The following TMEM132B variants were observed in gnomAD, a reference collection of about 807,000 sequenced individuals.
TMEM132B encodes transmembrane protein 132B.
TMEM132B carries 18 observed loss-of-function variants against 90.8 expected under a neutral mutation model. That is an observed-to-expected ratio of 0.20 (90% CI 0.14 to 0.29). The LOEUF (loss-of-function observed/expected upper bound fraction) is 0.29. TMEM132B is among the 10% of genes least tolerant of loss of function. The pLI is 1.00. For synonymous variants in TMEM132B, 504 were observed against 523.3 expected, an observed-to-expected ratio of 0.96 and a Z score of 0.50; for missense variants, 1,096 against 1,326.8, an observed-to-expected ratio of 0.83 and a Z score of 2.70.
intron 3 of TMEM132B, among the ~76,000 whole-genome samples, chr12:125,433,484 T>C (rs1462443404): frequency 6.6e-6 from 1 of 151,426 alleles, no homozygotes; most frequent in Non-Finnish European, 1.5e-5. Flanking sequence ...ACCCTCAGTC[T>C]AGACAATGAT....
At chr12:125,386,921 C>G (rs972758058) in intron 2 of TMEM132B, among the ~76,000 whole-genome samples, 1 of 152,170 alleles carries the variant, frequency 6.6e-6, no homozygotes, top group Non-Finnish European at 1.5e-5. Flanking sequence ...CTCTCTAAAA[C>G]CCAGAGCTTC....
chr12:125,322,999 TTGTC>T (rs945000828), intron 1 of TMEM132B, among the ~76,000 whole-genome samples: 7 of 152,198 alleles, frequency 4.6e-5, no homozygotes, highest in African/African-American at 1.4e-4. Flanking sequence ...AACACACAAT[TTGTC>T]TGGAGAACCT....
intron 1 of TMEM132B, among the ~76,000 whole-genome samples, chr12:125,337,485 C>T (rs1441429830): frequency 8.5e-5 from 13 of 152,076 alleles, no homozygotes; most frequent in Admixed American, 2.6e-4. Flanking sequence ...CCTGTTTTGG[C>T]TTTAATGTGA....
chr12:125,523,693 C>T (rs765193161), intron 4 of TMEM132B, among the ~76,000 whole-genome samples: 18 of 152,214 alleles, frequency 1.2e-4, no homozygotes, highest in Non-Finnish European at 1.8e-4. Context: ...CATCTCTTCT[C>T]GCATGATCTG....
At chr12:125,187,406 C>G (rs1957766478) in intron 1 of TMEM132B, among the ~76,000 whole-genome samples, 1 of 152,222 alleles carries the variant, frequency 6.6e-6, no homozygotes, top group Non-Finnish European at 1.5e-5. Flanking sequence ...CTGCCCTCCC[C>G]AAGCTACCCA....
intron 1 of TMEM132B, among the ~76,000 whole-genome samples, chr12:125,282,049 AAAAAAAAAAAAGAG>A (rs1410781173): frequency 2.7e-5 from 3 of 112,146 alleles, no homozygotes; most frequent in East Asian, 4.1e-4. Context: ...AAAAAAAAAA[AAAAAAAAAAAAGAG>A]AGACTTTTGA....
intron 2 of TMEM132B, among the ~76,000 whole-genome samples, chr12:125,401,937 A>G (rs552155624): frequency 2.6e-5 from 4 of 152,340 alleles, no homozygotes; most frequent in Non-Finnish European, 5.9e-5. Flanking sequence ...CACTTTGAAC[A>G]AAGAATGCAT....
At chr12:125,511,974 A>G (rs910858646) in intron 3 of TMEM132B, among the ~76,000 whole-genome samples, 4 of 152,050 alleles carry the variant, frequency 2.6e-5, no homozygotes, top group Admixed American at 1.3e-4. Context: ...AGTCCAGCCC[A>G]TGGCTAGAGA....
intron 2 of TMEM132B, among the ~76,000 whole-genome samples, chr12:125,355,870 C>T (rs1260791430): frequency 2.0e-5 from 3 of 152,144 alleles, no homozygotes; most frequent in Middle Eastern, 3.4e-3. Flanking sequence ...TAGAGGGGCC[C>T]GTCTGAACAA....
At chr12:125,653,233 G>T (rs1029688208) in intron 8 of TMEM132B, among the ~76,000 whole-genome samples, 1 of 152,182 alleles carries the variant, frequency 6.6e-6, no homozygotes, top group Non-Finnish European at 1.5e-5. Flanking sequence ...AGCCTGATTT[G>T]TTGCACCTGA....
intron 5 of TMEM132B, among the ~76,000 whole-genome samples, chr12:125,613,442 C>T (rs77865081): frequency 0.012 from 1,880 of 151,266 alleles, 46 homozygotes; most frequent in African/African-American, 0.044. Flanking sequence ...AATTAGTTAA[C>T]ATGAATGTTA....
intron 1 of TMEM132B, among the ~76,000 whole-genome samples, chr12:125,230,666 G>T (rs1873798443): frequency 6.7e-6 from 1 of 149,644 alleles, no homozygotes; most frequent in Non-Finnish European, 1.5e-5. Flanking sequence ...GTTTTTTTGT[G>T]TGTATTTTTT....
intron 1 of TMEM132B, among the ~76,000 whole-genome samples, chr12:125,268,409 C>T (rs1228047212): frequency 6.6e-6 from 1 of 152,190 alleles, no homozygotes; most frequent in Non-Finnish European, 1.5e-5. Flanking sequence ...TAGAGGCAAC[C>T]TGAATGTCCA....
chr12:125,413,520 T>A (rs1183191314), intron 2 of TMEM132B, among the ~76,000 whole-genome samples: 1 of 152,182 alleles, frequency 6.6e-6, no homozygotes, highest in East Asian at 1.9e-4. Context: ...TCTTCCCCAG[T>A]CCCTGGAAAC....
At chr12:125,225,362 G>A (rs1040804012) in intron 1 of TMEM132B, among the ~76,000 whole-genome samples, 4 of 152,220 alleles carry the variant, frequency 2.6e-5, no homozygotes, top group Non-Finnish European at 5.9e-5. Flanking sequence ...TCAAGAGGGC[G>A]ATAGCAGAGC....
At chr12:125,189,203 G>T (rs992485695) in intron 1 of TMEM132B, among the ~76,000 whole-genome samples, 1 of 152,198 alleles carries the variant, frequency 6.6e-6, no homozygotes, top group Non-Finnish European at 1.5e-5. Flanking sequence ...ACTGTACTTG[G>T]TAAGAGTCAG....
rs139479602 is a variant in TMEM132B at position 125,481,681 on chromosome 12, G to C, written c.1107-37758G>C. The stretch of plus-strand genomic sequence containing the variant: ...TCGTGAAAATGGCCATACTGCCCAA[G>C]GTAATTTATAGATTCAGTGCCATCC... On this transcript the variant is annotated intron_variant, in intron 3 of 8. Coordinates refer to ENST00000682704, the MANE Select transcript of TMEM132B (RefSeq NM_001366854.1). 4.7e-3 allele frequency among the ~76,000 whole-genome samples: 722 copies of C among 152,244 alleles called. 2 individuals carry two copies. Among genetic ancestry groups the C allele is most frequent in the African/African-American group, 0.016 (659 of 41,556 alleles).
chr12:125,465,683 T>C lies in TMEM132B; in HGVS notation c.1106+50006T>C, dbSNP rs137954024. ...CCAGTGGACACAATCTTACATACTTTATTGCAATTTTATTGGGCTAATTGC... is the reference window on the plus strand; with the variant it reads ...CCAGTGGACACAATCTTACATACTTCATTGCAATTTTATTGGGCTAATTGC... On this transcript the variant is annotated intron_variant, in intron 3 of 8. Transcript: ENST00000682704. 6.7e-3 allele frequency among the ~76,000 whole-genome samples: 1,028 copies of C among 152,358 alleles called. 15 individuals are homozygous for C. Among genetic ancestry groups the C allele is most frequent in the African/African-American group, 0.023 (957 of 41,576 alleles).
intron 1 of TMEM132B, among the ~76,000 whole-genome samples, chr12:125,193,288 A>G (rs568888981): frequency 2.0e-5 from 3 of 152,188 alleles, no homozygotes; most frequent in Admixed American, 6.5e-5. Flanking sequence ...AGATAAGTCA[A>G]TCCATGAATG....
Sources: allele counts gnomAD v4.1 joint callset (sites outside exome capture counted in the v4.1 genomes callset), GRCh38; gene constraint gnomAD v4.1.1; transcripts MANE v1.5; gene names NCBI Gene and HGNC (gene_info 2026-07-23, HGNC 2026-07-21).